The following TAFA1 variants were observed in gnomAD, a reference collection of about 807,000 sequenced individuals.
TAFA1 encodes chemokine-like protein TAFA-1.
TAFA1 carries 4 observed loss-of-function variants against 18.5 expected under a neutral mutation model. That is an observed-to-expected ratio of 0.22 (90% CI 0.11 to 0.49). The LOEUF (loss-of-function observed/expected upper bound fraction) is 0.49, where lower values mean the gene tolerates loss of function less well. Ranked by LOEUF, TAFA1 falls within the 20% of genes least tolerant of loss-of-function variation. The pLI is 0.98. For missense variants in TAFA1, 147 were observed against 169.0 expected, an observed-to-expected ratio of 0.87 and a Z score of 0.72; for synonymous variants, 56 against 55.2, an observed-to-expected ratio of 1.01 and a Z score of -0.06.
chr3:68,247,175 T>C (rs1224539123), intron 2 of TAFA1, among the ~76,000 whole-genome samples: 1 of 152,108 alleles, frequency 6.6e-6, no homozygotes, highest in Non-Finnish European at 1.5e-5. Flanking sequence ...AGAAACAAAA[T>C]TTTGTTGTGA....
At chr3:68,354,423 C>T (rs1019922973) in intron 2 of TAFA1, among the ~76,000 whole-genome samples, 11 of 151,870 alleles carry the variant, frequency 7.2e-5, no homozygotes, top group Admixed American at 6.6e-4. Context: ...TGACATGTGC[C>T]TTCATTTTCC....
At chr3:68,198,279 A>G (rs2107032177) in intron 2 of TAFA1, among the ~76,000 whole-genome samples, 1 of 151,820 alleles carries the variant, frequency 6.6e-6, no homozygotes, top group Middle Eastern at 3.4e-3. Context: ...CACCTACTGA[A>G]CAACATCTTC....
chr3:68,134,136 G>T (rs1457113729), intron 2 of TAFA1, among the ~76,000 whole-genome samples: 1 of 151,788 alleles, frequency 6.6e-6, no homozygotes, highest in Non-Finnish European at 1.5e-5. Flanking sequence ...GGCTAGAGAG[G>T]AAAGCCTTCT....
chr3:68,512,600 A>C (rs1256107218), intron 3 of TAFA1, among the ~76,000 whole-genome samples: 1 of 152,154 alleles, frequency 6.6e-6, no homozygotes, highest in Admixed American at 6.6e-5. Context: ...AATCAGCACA[A>C]CATTGCTGCT....
chr3:68,368,840 T>A (rs1239903634), intron 2 of TAFA1, among the ~76,000 whole-genome samples: 1 of 152,192 alleles, frequency 6.6e-6, no homozygotes, highest in Non-Finnish European at 1.5e-5. Context: ...CAAGGCAGCA[T>A]CACACAAGAA....
chr3:68,413,886 C>T (rs1025241078), intron 2 of TAFA1, among the ~76,000 whole-genome samples: 10 of 152,130 alleles, frequency 6.6e-5, no homozygotes, highest in African/African-American at 2.4e-4. Context: ...GTGGGTGAGC[C>T]AGAGATCTGT....
chr3:68,285,421 A>C (rs1038271407), intron 2 of TAFA1, among the ~76,000 whole-genome samples: 8 of 152,068 alleles, frequency 5.3e-5, no homozygotes, highest in Non-Finnish European at 1.2e-4. Flanking sequence ...CTATATGTGC[A>C]TATATGCCTC....
intron 2 of TAFA1, among the ~76,000 whole-genome samples, chr3:68,032,234 C>T (rs1203647787): frequency 2.6e-5 from 4 of 152,074 alleles, no homozygotes; most frequent in Admixed American, 6.6e-5. Context: ...AAAATATAGA[C>T]AAACATTTTC....
At chr3:68,079,493 A>G (rs894002023) in intron 2 of TAFA1, among the ~76,000 whole-genome samples, 1 of 152,114 alleles carries the variant, frequency 6.6e-6, no homozygotes, top group Non-Finnish European at 1.5e-5. Flanking sequence ...AATGCGTCCC[A>G]GAGATTCTGG....
intron 3 of TAFA1, among the ~76,000 whole-genome samples, chr3:68,511,938 C>A (rs2072853455): frequency 6.6e-6 from 1 of 152,052 alleles, no homozygotes; most frequent in Non-Finnish European, 1.5e-5. Flanking sequence ...ATAGCACTTA[C>A]ATATGACAAG....
chr3:68,422,926 C>G (rs550300008), intron 3 of TAFA1, among the ~76,000 whole-genome samples: 31 of 151,458 alleles, frequency 2.0e-4, no homozygotes, highest in African/African-American at 7.3e-4. Context: ...TTACCTACAG[C>G]CTTTCATTAA....
intron 3 of TAFA1, among the ~76,000 whole-genome samples, chr3:68,527,227 G>A (rs2073121754): frequency 6.6e-6 from 1 of 152,098 alleles, no homozygotes; most frequent in Admixed American, 6.5e-5. Flanking sequence ...TATAGAATAA[G>A]CCAGGGACTC....
chr3:68,486,112 A>ATTTTATTTTATTTTG (rs1559689437), intron 3 of TAFA1, among the ~76,000 whole-genome samples: 13 of 126,110 alleles, frequency 1.0e-4, no homozygotes, highest in African/African-American at 1.8e-4. Flanking sequence ...GTTTTATTTT[A>ATTTTATTTTATTTTG]TTTTATTTTA....
intron 2 of TAFA1, among the ~76,000 whole-genome samples, chr3:68,188,407 A>G (rs1377037784): frequency 6.6e-6 from 1 of 150,660 alleles, no homozygotes; most frequent in Non-Finnish European, 1.5e-5. Flanking sequence ...GTTTTTTTCT[A>G]TTTCTTAGCT....
chr3:68,110,348 G>C (rs1363136106), intron 2 of TAFA1, among the ~76,000 whole-genome samples: 1 of 152,118 alleles, frequency 6.6e-6, no homozygotes, highest in Non-Finnish European at 1.5e-5. Flanking sequence ...TGATGTATAT[G>C]TACCACATTT....
chr3:68,059,468 T>C (rs938290275), intron 2 of TAFA1, among the ~76,000 whole-genome samples: 1 of 152,178 alleles, frequency 6.6e-6, no homozygotes, highest in African/African-American at 2.4e-5. Flanking sequence ...CTGCACAGCC[T>C]ATATTCTACC....
intron 2 of TAFA1, among the ~76,000 whole-genome samples, chr3:68,256,200 C>T (rs1291042006): frequency 6.6e-6 from 1 of 152,092 alleles, no homozygotes; most frequent in African/African-American, 2.4e-5. Context: ...TTGGATGACT[C>T]TGGAGGGAGG....
At chr3:68,399,192 C>T (rs913331197) in intron 2 of TAFA1, among the ~76,000 whole-genome samples, 1 of 152,156 alleles carries the variant, frequency 6.6e-6, no homozygotes, top group African/African-American at 2.4e-5. Context: ...TACTCCATTT[C>T]TTTTTCATGA....
intron 3 of TAFA1, among the ~76,000 whole-genome samples, chr3:68,504,989 G>A (rs2072722567): frequency 6.6e-6 from 1 of 152,156 alleles, no homozygotes; most frequent in Non-Finnish European, 1.5e-5. Flanking sequence ...AGAACAGAGT[G>A]TGTCTTGTTG....
Sources: allele counts gnomAD v4.1 joint callset (sites outside exome capture counted in the v4.1 genomes callset), GRCh38; gene constraint gnomAD v4.1.1; transcripts MANE v1.5; gene names NCBI Gene and HGNC (gene_info 2026-07-23, HGNC 2026-07-21).